Variants in CREBRF observed in about 807,000 individuals in gnomAD.
CREBRF encodes UPF0474 protein C5orf41.
In CREBRF, 5 loss-of-function variants were observed where a neutral mutation model predicts 66.1. The ratio of observed to expected loss-of-function variants is 0.08; its 90% CI spans 0.04 to 0.16. CREBRF has a LOEUF of 0.16. Ranked by LOEUF, CREBRF falls within the 10% of genes least tolerant of loss-of-function variation. CREBRF has a pLI of 1.00. For missense variants in CREBRF, 531 were observed against 744.9 expected, an observed-to-expected ratio of 0.71 and a Z score of 3.34; for synonymous variants, 229 against 264.4, an observed-to-expected ratio of 0.87 and a Z score of 1.30.
At chr5:173,061,875 T>G (rs1331708382) in intron 1 of CREBRF, among the ~76,000 whole-genome samples, 1 of 152,194 alleles carries the variant, frequency 6.6e-6, no homozygotes, top group Non-Finnish European at 1.5e-5. Context: ...TTTTGATAAC[T>G]TTTGCTTTAT....
At chr5:173,067,828 A>G (rs1179293616) in intron 1 of CREBRF, among the ~76,000 whole-genome samples, 2 of 152,002 alleles carry the variant, frequency 1.3e-5, no homozygotes, top group East Asian at 1.9e-4. Context: ...GTGAAACCCC[A>G]TCTCTACTAA....
chr5:173,075,947 G>A (rs534443498), intron 1 of CREBRF, among the ~76,000 whole-genome samples: 4 of 151,808 alleles, frequency 2.6e-5, no homozygotes, highest in Admixed American at 6.6e-5. Context: ...ATCGCTGGGC[G>A]TGGTGGCTTA....
At position 173,087,167 on chromosome 5, in the gene CREBRF, G is replaced by A. The variant is rs563522261; in HGVS notation, c.135+541G>A. On this transcript the variant is annotated intron_variant, in intron 3 of 8. Coordinates refer to ENST00000296953, the MANE Select transcript of CREBRF (RefSeq NM_153607.3). ...TCACCACGTTGGCCAGGCTGGTCTCGAACTCCTGACCTCAGGCTATCCACC... is the reference window on the plus strand; with the variant it reads ...TCACCACGTTGGCCAGGCTGGTCTCAAACTCCTGACCTCAGGCTATCCACC... 7.9e-5 allele frequency among the ~76,000 whole-genome samples: 12 copies of A among 152,066 alleles called. No individual in the cohort carries two copies. The South Asian group carries it at 1.9e-3, about 24-fold the overall frequency.
Position 173,110,635 on chromosome 5 carries a change from G to A in CREBRF, c.1531G>A (p.Asp511Asn), listed in dbSNP as rs1758850689. The change falls in exon 6 of 9, where the codon GAC (aspartate) becomes AAC (asparagine). Residue 511 changes from aspartate to asparagine, a missense_variant. This residue lies in a region of CREBRF where 25 missense variants were observed against 55.3 expected (regional missense o/e 0.45). Transcript: ENST00000296953. ...ELRKLNKVISDLTPVSELPLT... is the reference protein window; with the variant it reads ...ELRKLNKVISNLTPVSELPLT... ...TCGGAAACTGAATAAGGTGATTAGT[G>A]ACCTGACTCCAGTCAGTGAGCTTCC... 6.2e-7 allele frequency: 1 copy of A among 1,614,044 alleles called. No individual in the cohort carries two copies. Among genetic ancestry groups the A allele is most frequent in the South Asian group, 1.1e-5 (1 of 91,070 alleles).
At chr5:173,066,571 A>T (rs540367168) in intron 1 of CREBRF, among the ~76,000 whole-genome samples, 1 of 152,278 alleles carries the variant, frequency 6.6e-6, no homozygotes, top group Admixed American at 6.5e-5. Flanking sequence ...CTGTCGTCTA[A>T]CCACTGTTAT....
chr5:173,101,467 T>C (rs1758626079), intron 4 of CREBRF, among the ~76,000 whole-genome samples: 1 of 152,170 alleles, frequency 6.6e-6, no homozygotes, highest in Non-Finnish European at 1.5e-5. Context: ...TCATTGTATA[T>C]GACAAGTTGC....
At chr5:173,108,999 T>G in intron 5 of CREBRF, 181 bp downstream of exon 5, 2 of 580,468 alleles carry the variant, frequency 3.4e-6, no homozygotes, top group Non-Finnish European at 3.0e-6. Flanking sequence ...TTTACCAGTG[T>G]TAAGAGTCCT....
At chr5:173,131,701 C>T (rs1446952669) in intron 8 of CREBRF, among the ~76,000 whole-genome samples, 5 of 55,330 alleles carry the variant, frequency 9.0e-5, no homozygotes, top group African/African-American at 1.5e-4. Flanking sequence ...TGTATACACA[C>T]ACACACACAC....
At chr5:173,079,298 G>C (rs1400610518) in intron 1 of CREBRF, among the ~76,000 whole-genome samples, 2 of 151,952 alleles carry the variant, frequency 1.3e-5, no homozygotes, top group Non-Finnish European at 2.9e-5. Context: ...ATCTAATTAA[G>C]TAGAACAATG....
At chr5:173,075,382 A>C (rs1227648217) in intron 1 of CREBRF, among the ~76,000 whole-genome samples, 1 of 151,922 alleles carries the variant, frequency 6.6e-6, no homozygotes, top group Non-Finnish European at 1.5e-5. Flanking sequence ...TGCATAGGCA[A>C]CCTCTGCTGC....
At chr5:173,079,466 TAAAAAAAA>T (rs57288779) in intron 1 of CREBRF, among the ~76,000 whole-genome samples, 1 of 130,974 alleles carries the variant, frequency 7.6e-6, no homozygotes. Flanking sequence ...CTGTCTTTTT[TAAAAAAAA>T]AAAAAAAAAA....
At position 173,107,412 on chromosome 5, in the gene CREBRF, A is replaced by G. The variant is rs571267140; in HGVS notation, c.1223-1212A>G. Among the ~76,000 whole-genome samples, 6 of 152,304 alleles carry G rather than the reference A, an allele frequency of 3.9e-5. No individual in the cohort carries two copies. In the South Asian group the frequency reaches 1.0e-3, roughly 26 times the overall value. ...GTATTTTAGATTTATAGGTCATTCAATACTGGGTCTGACCAACAGTTCTAG... is the reference window on the plus strand; with the variant it reads ...GTATTTTAGATTTATAGGTCATTCAGTACTGGGTCTGACCAACAGTTCTAG... On this transcript the variant is annotated intron_variant, in intron 4 of 8. Transcript: ENST00000296953.
intron 1 of CREBRF, among the ~76,000 whole-genome samples, chr5:173,076,147 G>A (rs1317004738): frequency 6.6e-6 from 1 of 151,634 alleles, no homozygotes; most frequent in African/African-American, 2.4e-5. Flanking sequence ...CCAAGAACAT[G>A]ACACTGGCAT....
rs532608189 is a variant in CREBRF, at chr5:173,063,390, CAG to C, written c.-192+6914_-192+6915del. 1.4e-4 allele frequency among the ~76,000 whole-genome samples: 21 copies of C among 152,154 alleles called. No individual in the cohort carries two copies. The East Asian group carries it at 3.9e-3, about 28-fold the overall frequency. ...TTCTTCTTCTCTATTTTTTTTGAGA[CAG>C]AGTCTCACGCTGTTGCCCACGCTGG... is the stretch of plus-strand genomic sequence containing the variant. On this transcript the variant is annotated intron_variant, in intron 1 of 8. Coordinates refer to ENST00000296953, the MANE Select transcript of CREBRF (RefSeq NM_153607.3).
At chr5:173,112,193 T>A (rs1758885941) in intron 6 of CREBRF, 113 bp from the exon 7 acceptor site, 1 of 616,914 alleles carries the variant, frequency 1.6e-6, no homozygotes, top group African/African-American at 1.9e-5. Context: ...CACTTGCAGC[T>A]AGGAGTTGGA....
rs569886725 is a variant in CREBRF at position 173,091,728 on chromosome 5, C to T, written c.1222+327C>T. The T allele has an allele frequency of 8.1e-5, 83 of 1,021,854 alleles. No homozygotes were observed. In the South Asian group the frequency reaches 3.1e-3, roughly 38 times the overall value. 63.3% of individuals were successfully genotyped at this position (1,021,854 alleles called of 1,614,324 possible). On this transcript the variant is annotated intron_variant, in intron 4 of 8. Coordinates refer to ENST00000296953, the MANE Select transcript of CREBRF (RefSeq NM_153607.3). ...TCTTAATGTATCTTATGTTAAGTGA[C>T]CTGTTTTGTCACTCTCTTGAGCATT...
intron 1 of CREBRF, among the ~76,000 whole-genome samples, chr5:173,065,822 A>C (rs1422502204): frequency 6.6e-6 from 1 of 151,218 alleles, no homozygotes; most frequent in Admixed American, 6.6e-5. Flanking sequence ...TTTTTTGTAG[A>C]GACAGGGTTT....
At chr5:173,086,707 G>A in intron 3 of CREBRF, 81 bp downstream of exon 3, 1 of 1,225,100 alleles carries the variant, frequency 8.2e-7, no homozygotes, top group South Asian at 1.6e-5. Flanking sequence ...ATAAATGCCT[G>A]AAAAAAAAAG....
Position 173,138,266 on chromosome 5 carries a change from A to G in CREBRF, c.*4521A>G, listed in dbSNP as rs1432287266. The G allele has an allele frequency of 1.3e-5, 2 of 152,204 alleles. No individual in the cohort carries two copies. Among genetic ancestry groups the G allele is most frequent in the African/African-American group, 2.4e-5 (1 of 41,452 alleles). The allele number at this position is 152,204 out of a possible 1,614,324, so 9.4% of individuals were successfully genotyped here. ...CAAACACATTGGGATGTAACAATGAATGTCAACTGTAGGAATGGTGGTTTC... is the reference window on the plus strand; with the variant it reads ...CAAACACATTGGGATGTAACAATGAGTGTCAACTGTAGGAATGGTGGTTTC... On this transcript the variant is annotated 3_prime_UTR_variant, in exon 9 of 9. Transcript: ENST00000296953.
Sources: allele counts gnomAD v4.1 joint callset (sites outside exome capture counted in the v4.1 genomes callset), GRCh38; gene constraint gnomAD v4.1.1; regional missense constraint gnomAD v4.1.1; transcripts MANE v1.5; gene names NCBI Gene and HGNC (gene_info 2026-07-23, HGNC 2026-07-21).